Variants in SPTLC3 observed in about 807,000 individuals in gnomAD.
The protein encoded by SPTLC3 is serine palmitoyltransferase 3.
A neutral mutation model predicts 59.3 loss-of-function variants in SPTLC3; 36 were observed. That is an observed-to-expected ratio of 0.61 (90% CI 0.47 to 0.80). SPTLC3 has a LOEUF of 0.80. Ranked by LOEUF, SPTLC3 falls within the 30% of genes least tolerant of loss-of-function variation. The pLI is 0.00. For synonymous variants in SPTLC3, 257 were observed against 240.8 expected (o/e 1.07, Z -0.62); for missense variants, 625 against 685.1 (o/e 0.91, Z 0.98).
At chr20:13,148,973 C>T (rs952332244) in intron 9 of SPTLC3, among the ~76,000 whole-genome samples, 2 of 152,196 alleles carry the variant, frequency 1.3e-5, no homozygotes, top group Non-Finnish European at 1.5e-5. Context: ...GTAAGATAAG[C>T]TTATCTCTAA....
chr20:13,088,346 G>T (rs935661848), intron 4 of SPTLC3, among the ~76,000 whole-genome samples: 4 of 151,898 alleles, frequency 2.6e-5, no homozygotes, highest in African/African-American at 9.7e-5. Context: ...CTTTGTTTTT[G>T]TTTTTTGAGA....
At chr20:13,059,826 T>C (rs1987879066) in intron 2 of SPTLC3, among the ~76,000 whole-genome samples, 1 of 152,208 alleles carries the variant, frequency 6.6e-6, no homozygotes, top group African/African-American at 2.4e-5. Context: ...TCTCTTTTCC[T>C]TTCTTCTAAC....
intron 2 of SPTLC3, among the ~76,000 whole-genome samples, chr20:13,070,216 A>T (rs1988385503): frequency 6.6e-6 from 1 of 152,194 alleles, no homozygotes; most frequent in African/African-American, 2.4e-5. Flanking sequence ...TACTTAAAGA[A>T]AATGCATTCA....
intron 9 of SPTLC3, among the ~76,000 whole-genome samples, chr20:13,131,170 T>C (rs1435364632): frequency 6.6e-6 from 1 of 152,244 alleles, no homozygotes; most frequent in Non-Finnish European, 1.5e-5. Flanking sequence ...TACTCATGTT[T>C]AAATCTTCGA....
At chr20:13,106,098 T>A (rs1341393509) in intron 6 of SPTLC3, among the ~76,000 whole-genome samples, 1 of 152,222 alleles carries the variant, frequency 6.6e-6, no homozygotes, top group East Asian at 1.9e-4. Context: ...AAAATATCTA[T>A]CTGCTCGTTT....
At chr20:13,109,953 T>C (rs1340543276) in intron 6 of SPTLC3, among the ~76,000 whole-genome samples, 159 bp from the exon 7 acceptor site, 1 of 152,158 alleles carries the variant, frequency 6.6e-6, no homozygotes, top group Non-Finnish European at 1.5e-5. Flanking sequence ...TACTGAAAAA[T>C]AGACCTCTGT....
chr20:13,068,982 G>A lies in SPTLC3; in HGVS notation c.304-3274G>A, dbSNP rs147941875. On this transcript the variant is annotated intron_variant, in intron 2 of 11. Transcript: ENST00000399002. ...TACAAATTCTGAATCCCTGAGTCAG[G>A]AGGCAGAGAGGTTAGACAGGATGAA... Among the ~76,000 whole-genome samples, 659 of 152,280 alleles carry A rather than the reference G, an allele frequency of 4.3e-3. 8 individuals are homozygous for A. The highest frequency in any genetic ancestry group is 0.015 in the African/African-American group (625 of 41,562).
At chr20:13,073,210 C>T (rs1167902540) in intron 3 of SPTLC3, among the ~76,000 whole-genome samples, 1 of 127,824 alleles carries the variant, frequency 7.8e-6, no homozygotes, top group Non-Finnish European at 1.8e-5. Context: ...CCCCCTCCTC[C>T]CTACCTTTTC....
intron 1 of SPTLC3, among the ~76,000 whole-genome samples, chr20:13,036,666 C>T (rs561933013): frequency 9.9e-5 from 15 of 152,102 alleles, no homozygotes; most frequent in African/African-American, 3.6e-4. Flanking sequence ...CCCTTAACCC[C>T]CATGTTGTTC....
chr20:13,158,032 T>A (rs1357291913), intron 10 of SPTLC3, among the ~76,000 whole-genome samples: 1 of 152,228 alleles, frequency 6.6e-6, no homozygotes. Flanking sequence ...AGCTGTGCAA[T>A]GTGGTTTTAC....
chr20:13,031,130 C>T (rs1229183861), intron 1 of SPTLC3, among the ~76,000 whole-genome samples: 4 of 152,062 alleles, frequency 2.6e-5, no homozygotes. Flanking sequence ...TTCAATAAAA[C>T]TTTATTACAA....
intron 4 of SPTLC3, among the ~76,000 whole-genome samples, chr20:13,088,647 C>A (rs1048994812): frequency 6.6e-6 from 1 of 151,642 alleles, no homozygotes; most frequent in East Asian, 1.9e-4. Flanking sequence ...AAGATGAAGT[C>A]TCTCTCTGTC....
At chr20:13,140,934 G>T (rs2122882682) in intron 9 of SPTLC3, among the ~76,000 whole-genome samples, 1 of 152,274 alleles carries the variant, frequency 6.6e-6, no homozygotes, top group Non-Finnish European at 1.5e-5. Flanking sequence ...TACTGACCCT[G>T]CCTCTAACCC....
At position 13,038,045 on chromosome 20, in the gene SPTLC3, A is replaced by AAT. The variant is rs74181398; in HGVS notation, c.118-10886_118-10885dup. Among the ~76,000 whole-genome samples the AAT allele has an allele frequency of 4.9e-3, 683 of 139,590 alleles. 22 individuals are homozygous for AAT. The highest frequency in any genetic ancestry group is 5.7e-3 in the Non-Finnish European group (361 of 63,200). 91.6% of individuals were successfully genotyped at this position (139,590 alleles called of 152,430 possible). A position where few individuals can be genotyped will look rare whatever the true frequency, so the allele number is the denominator to read the frequency against. On this transcript the variant is annotated intron_variant, in intron 1 of 11. Coordinates refer to ENST00000399002, the MANE Select transcript of SPTLC3 (RefSeq NM_018327.4). Reference sequence around the variant, plus strand: ...GCTGGAAAATACAGAGAAAATCATGAATATATATATATATAATATATCTTC... The same window carrying AAT: ...GCTGGAAAATACAGAGAAAATCATGAATATATATATATATATAATATATCTTC...
At chr20:13,010,174 A>G (rs1985164245) in intron 1 of SPTLC3, among the ~76,000 whole-genome samples, 1 of 151,580 alleles carries the variant, frequency 6.6e-6, no homozygotes, top group Admixed American at 6.6e-5. Flanking sequence ...GCAGTTCCCC[A>G]CTCCCCACAG....
At chr20:13,039,001 C>T (rs965141393) in intron 1 of SPTLC3, among the ~76,000 whole-genome samples, 1 of 152,048 alleles carries the variant, frequency 6.6e-6, no homozygotes, top group Non-Finnish European at 1.5e-5. Flanking sequence ...AAAGAACATA[C>T]TTTGCATAAT....
intron 8 of SPTLC3, among the ~76,000 whole-genome samples, chr20:13,124,295 G>A (rs2037935586): frequency 6.6e-6 from 1 of 151,922 alleles, no homozygotes; most frequent in South Asian, 2.1e-4. Flanking sequence ...ATACTTGCTG[G>A]AAGGAAAGAT....
chr20:13,104,190 A>C (rs1237821282), intron 6 of SPTLC3, among the ~76,000 whole-genome samples: 2 of 152,082 alleles, frequency 1.3e-5, no homozygotes, highest in East Asian at 3.9e-4. Context: ...TGGTCTCCAC[A>C]TTTTCATTTC....
rs111813255 is a variant in SPTLC3 at position 13,054,058 on chromosome 20, G to A, written c.303+4928G>A. Among the ~76,000 whole-genome samples the A allele has an allele frequency of 4.4e-4, 67 of 152,264 alleles. 2 individuals carry two copies. The highest frequency in any genetic ancestry group is 3.3e-3 in the South Asian group (16 of 4,826). On this transcript the variant is annotated intron_variant, in intron 2 of 11. Coordinates refer to ENST00000399002, the MANE Select transcript of SPTLC3 (RefSeq NM_018327.4). ...GAGAAAGTTAAATTGGGATCTAGAC[G>A]CTGATGAATAAATAGTAAGGCAAAG...
Sources: allele counts gnomAD v4.1 joint callset (sites outside exome capture counted in the v4.1 genomes callset), GRCh38; gene constraint gnomAD v4.1.1; transcripts MANE v1.5; gene names NCBI Gene and HGNC (gene_info 2026-07-23, HGNC 2026-07-21).